The following SLC25A48 variants were observed in gnomAD, a reference collection of about 807,000 sequenced individuals.
The protein encoded by SLC25A48 is solute carrier family 25 member 48.
Under a neutral mutation model 32.2 loss-of-function variants are expected in SLC25A48, and 29 were observed. The ratio of observed to expected loss-of-function variants is 0.90; its 90% confidence interval spans 0.67 to 1.23. SLC25A48 has a LOEUF of 1.23. Among genes scored for constraint, SLC25A48 ranks in the 50% most tolerant of loss-of-function variants. SLC25A48 has a pLI of 0.00. For missense variants in SLC25A48, 399 were observed against 422.7 expected (o/e 0.94, Z 0.49); for synonymous variants, 164 against 172.3 (o/e 0.95, Z 0.38).
chr5:135,877,839 T>A (rs1042419357), intron 6 of SLC25A48, among the ~76,000 whole-genome samples: 1 of 152,076 alleles, frequency 6.6e-6, no homozygotes, highest in African/African-American at 2.4e-5. Flanking sequence ...ATGGGGACAC[T>A]GCCAGGCTGC....
intron 3 of SLC25A48, among the ~76,000 whole-genome samples, chr5:135,747,432 G>A (rs1264137319): frequency 2.6e-5 from 4 of 151,524 alleles, no homozygotes; most frequent in East Asian, 1.9e-4. Context: ...CAGTGAAGCC[G>A]CTTCAAGACA....
At chr5:135,850,870 AG>A (rs1179355674) in intron 3 of SLC25A48, among the ~76,000 whole-genome samples, 3 of 152,224 alleles carry the variant, frequency 2.0e-5, no homozygotes, top group Non-Finnish European at 4.4e-5. Context: ...GCCCGGCCGG[AG>A]CCAGATGTGT....
Position 135,888,460 on chromosome 5 carries a change from A to C in SLC25A48, c.*436A>C, listed in dbSNP as rs944724996. The C allele has an allele frequency of 5.1e-6, 1 of 197,452 alleles. No homozygotes were observed. Among genetic ancestry groups the C allele is most frequent in the African/African-American group, 2.3e-5 (1 of 43,816 alleles). 12.2% of individuals were successfully genotyped at this position (197,452 alleles called of 1,614,324 possible). A position where few individuals can be genotyped will look rare whatever the true frequency, so the allele number is the denominator to read the frequency against. ...TGCCTCCAGTCTCCTCTCAGCACCG[A>C]CCAGGTTTTTCCCCGCTCCTGCACC... is the stretch of plus-strand genomic sequence containing the variant. On this transcript the variant is annotated 3_prime_UTR_variant, in exon 8 of 8. Coordinates refer to ENST00000681962, the MANE Select transcript of SLC25A48 (RefSeq NM_001349336.2).
chr5:135,706,715 GA>G (rs1190208946), intron 3 of SLC25A48, among the ~76,000 whole-genome samples: 2 of 152,208 alleles, frequency 1.3e-5, no homozygotes, highest in East Asian at 3.9e-4. Flanking sequence ...GGGAGGACGA[GA>G]GGGGTAAGGG....
intron 4 of SLC25A48, 45 bp downstream of exon 4, chr5:135,852,866 C>T: frequency 6.4e-7 from 1 of 1,569,810 alleles, no homozygotes; most frequent in Non-Finnish European, 8.7e-7. Flanking sequence ...GACTTGTGGC[C>T]CTTTCCTGGT....
At chr5:135,775,688 G>A (rs1756537779) in intron 3 of SLC25A48, among the ~76,000 whole-genome samples, 1 of 151,282 alleles carries the variant, frequency 6.6e-6, no homozygotes, top group Non-Finnish European at 1.5e-5. Context: ...CATCGCAGAG[G>A]GTATACAACC....
chr5:135,752,781 A>G (rs1033761652), intron 3 of SLC25A48, among the ~76,000 whole-genome samples: 1 of 152,128 alleles, frequency 6.6e-6, no homozygotes, highest in Non-Finnish European at 1.5e-5. Flanking sequence ...GAATAATGTC[A>G]CTGGGTGTAA....
intron 3 of SLC25A48, among the ~76,000 whole-genome samples, chr5:135,654,280 C>T (rs1561776855): frequency 6.6e-6 from 1 of 152,174 alleles, no homozygotes; most frequent in African/African-American, 2.4e-5. Flanking sequence ...AGCCCCCAGT[C>T]TTGCAAGGTA....
At chr5:135,874,820 C>G in intron 6 of SLC25A48, 1 of 572,564 alleles carries the variant, frequency 1.7e-6, no homozygotes, top group South Asian at 2.2e-5. Context: ...TACACAGATT[C>G]ATCACCCTCC....
At chr5:135,588,227 G>A (rs1360469771) in intron 1 of SLC25A48, among the ~76,000 whole-genome samples, 1 of 152,208 alleles carries the variant, frequency 6.6e-6, no homozygotes, top group Non-Finnish European at 1.5e-5. Flanking sequence ...ACATTTGGGG[G>A]CAGTTCTTTA....
intron 3 of SLC25A48, among the ~76,000 whole-genome samples, chr5:135,708,970 G>A (rs1754587783): frequency 6.6e-6 from 1 of 152,128 alleles, no homozygotes; most frequent in African/African-American, 2.4e-5. Context: ...CCATTTTATT[G>A]GTAGTGTTTT....
At chr5:135,594,581 G>A (rs986778324) in intron 1 of SLC25A48, among the ~76,000 whole-genome samples, 2 of 152,188 alleles carry the variant, frequency 1.3e-5, no homozygotes, top group African/African-American at 4.8e-5. Flanking sequence ...TGGCATGTGG[G>A]AGGGGTCTGG....
At chr5:135,614,548 G>A (rs1254102557) in intron 1 of SLC25A48, among the ~76,000 whole-genome samples, 1 of 152,136 alleles carries the variant, frequency 6.6e-6, no homozygotes, top group African/African-American at 2.4e-5. Context: ...ATTATGTTGA[G>A]TTATGTTCCT....
chr5:135,850,560 C>T (rs1183939744), intron 3 of SLC25A48, 64 bp downstream of exon 3: 11 of 1,487,674 alleles, frequency 7.4e-6, no homozygotes, highest in Admixed American at 1.7e-5. Context: ...GGGACCAGGG[C>T]CACAGCCCCA....
chr5:135,595,828 C>G (rs780496987), intron 1 of SLC25A48, among the ~76,000 whole-genome samples: 1 of 152,220 alleles, frequency 6.6e-6, no homozygotes, highest in Non-Finnish European at 1.5e-5. Flanking sequence ...TACCTGTTAA[C>G]TGTCATTATC....
At chr5:135,885,581 A>C (rs969336358) in intron 7 of SLC25A48, among the ~76,000 whole-genome samples, 5 of 151,974 alleles carry the variant, frequency 3.3e-5, no homozygotes, top group Admixed American at 2.0e-4. Flanking sequence ...TCCCTGTGCT[A>C]CAGTCATGTC....
chr5:135,743,515 G>A (rs1329912865), intron 3 of SLC25A48, among the ~76,000 whole-genome samples: 2 of 152,168 alleles, frequency 1.3e-5, no homozygotes, highest in African/African-American at 4.8e-5. Flanking sequence ...CAATGTGGAG[G>A]GTGAGAAACC....
At chr5:135,856,808 G>A in intron 4 of SLC25A48, among the ~76,000 whole-genome samples, 1 of 152,266 alleles carries the variant, frequency 6.6e-6, no homozygotes, top group Non-Finnish European at 1.5e-5. Flanking sequence ...GAGGAATGAA[G>A]GCTGTCATGA....
At chr5:135,768,006 A>G (rs549939462) in intron 3 of SLC25A48, among the ~76,000 whole-genome samples, 8 of 140,924 alleles carry the variant, frequency 5.7e-5, no homozygotes, top group Non-Finnish European at 9.3e-5. Flanking sequence ...GGGTGTACAC[A>G]CCCTTGTGAT....
Sources: gnomAD v4.1 joint callset for allele counts (sites outside exome capture counted in the v4.1 genomes callset) on GRCh38, gnomAD v4.1.1 for gene constraint, MANE v1.5 for transcripts, NCBI Gene and HGNC (gene_info 2026-07-23, HGNC 2026-07-21) for gene names.